ARHGAP24: variants seen among roughly 807,000 people sequenced by gnomAD.
ARHGAP24 encodes the protein rho GTPase-activating protein 24.
In ARHGAP24, 50 loss-of-function variants were observed where a neutral mutation model predicts 76.4. The observed-to-expected ratio is 0.65, with a 90% CI of 0.52 to 0.83. The LOEUF (loss-of-function observed/expected upper bound fraction) is 0.83. Among genes scored for constraint, ARHGAP24 ranks in the 40% least tolerant of loss-of-function variants. The pLI is 0.00. For synonymous variants in ARHGAP24, 345 were observed against 323.3 expected, an observed-to-expected ratio of 1.07 and a Z score of -0.72; for missense variants, 930 against 914.2, an observed-to-expected ratio of 1.02 and a Z score of -0.22.
chr4:85,989,279 T>C (rs1309665046), intron 8 of ARHGAP24, among the ~76,000 whole-genome samples: 8 of 151,476 alleles, frequency 5.3e-5, no homozygotes, highest in Non-Finnish European at 1.2e-4. Context: ...TGCCAAGAAA[T>C]TGGGCAATGG....
chr4:85,804,025 C>T (rs1417120593), intron 3 of ARHGAP24, among the ~76,000 whole-genome samples: 1 of 150,558 alleles, frequency 6.6e-6, no homozygotes, highest in Non-Finnish European at 1.5e-5. Flanking sequence ...AATCTTGGGT[C>T]ACTGCACCCT....
chr4:85,509,674 G>T (rs1433022576), intron 1 of ARHGAP24, among the ~76,000 whole-genome samples: 1 of 151,870 alleles, frequency 6.6e-6, no homozygotes, highest in Non-Finnish European at 1.5e-5. Context: ...ATCTGGTCTG[G>T]GATCTGTTCT....
At chr4:85,838,747 C>G (rs1240717928) in intron 3 of ARHGAP24, among the ~76,000 whole-genome samples, 1 of 152,162 alleles carries the variant, frequency 6.6e-6, no homozygotes, top group Non-Finnish European at 1.5e-5. Flanking sequence ...TTCTTTAAGA[C>G]ATAAACAAAA....
At chr4:85,812,618 G>A (rs903379435) in intron 3 of ARHGAP24, among the ~76,000 whole-genome samples, 1 of 152,134 alleles carries the variant, frequency 6.6e-6, no homozygotes, top group African/African-American at 2.4e-5. Context: ...AGTCTCACAT[G>A]AGACTCATAG....
chr4:85,974,191 C>A (rs1011159024), intron 6 of ARHGAP24, among the ~76,000 whole-genome samples: 1 of 151,954 alleles, frequency 6.6e-6, no homozygotes, highest in Non-Finnish European at 1.5e-5. Context: ...CAGTTTTATT[C>A]CATTTGTTAA....
At chr4:85,806,810 T>A (rs1728812322) in intron 3 of ARHGAP24, among the ~76,000 whole-genome samples, 1 of 152,228 alleles carries the variant, frequency 6.6e-6, no homozygotes, top group South Asian at 2.1e-4. Context: ...AGAAAGCTTA[T>A]GACTGCCCAA....
At chr4:85,630,554 G>A (rs1578093464) in intron 2 of ARHGAP24, among the ~76,000 whole-genome samples, 1 of 152,224 alleles carries the variant, frequency 6.6e-6, no homozygotes, top group South Asian at 2.1e-4. Context: ...AACTGTTGGG[G>A]TCTGTGAAGG....
intron 3 of ARHGAP24, among the ~76,000 whole-genome samples, chr4:85,908,289 G>T (rs1734878922): frequency 6.6e-6 from 1 of 152,162 alleles, no homozygotes; most frequent in African/African-American, 2.4e-5. Flanking sequence ...CTCAGTTCAT[G>T]TCTTCTTTGC....
intron 1 of ARHGAP24, among the ~76,000 whole-genome samples, chr4:85,511,500 G>T (rs779199118): frequency 1.3e-5 from 2 of 151,784 alleles, no homozygotes; most frequent in Non-Finnish European, 2.9e-5. Flanking sequence ...TTTTGTTCTT[G>T]TTGCCCAGCT....
At position 85,581,285 on chromosome 4, in the gene ARHGAP24, G is replaced by A. The variant is rs569931162; in HGVS notation, c.180+10564G>A. 5.5e-4 allele frequency among the ~76,000 whole-genome samples: 84 copies of A among 152,056 alleles called. 1 individual carries two copies. Among genetic ancestry groups the A allele is most frequent in the African/African-American group, 1.3e-3 (55 of 41,492 alleles). On this transcript the variant is annotated intron_variant, in intron 2 of 9. Coordinates refer to ENST00000395184, the MANE Select transcript of ARHGAP24 (RefSeq NM_001025616.3). ...GACTTATTGTTTATGTTCATGTCAC[G>A]TAGTTAGAAAAGATTAATAGAATCA... is the stretch of plus-strand genomic sequence containing the variant.
chr4:85,662,879 C>G (rs1156551813), intron 2 of ARHGAP24, among the ~76,000 whole-genome samples: 1 of 151,982 alleles, frequency 6.6e-6, no homozygotes, highest in Non-Finnish European at 1.5e-5. Context: ...TGACCTATAC[C>G]TCTGTTTAGG....
intron 1 of ARHGAP24, among the ~76,000 whole-genome samples, chr4:85,522,005 G>C (rs1578005264): frequency 6.6e-6 from 1 of 152,048 alleles, no homozygotes; most frequent in Admixed American, 6.6e-5. Context: ...GAAATTCTGA[G>C]AAGTTTTAAA....
intron 8 of ARHGAP24, among the ~76,000 whole-genome samples, chr4:85,988,305 A>G (rs766582000): frequency 1.9e-4 from 29 of 151,340 alleles, no homozygotes; most frequent in Non-Finnish European, 3.2e-4. Flanking sequence ...CTTATTATTA[A>G]TCTCATTAAA....
chr4:85,792,267 T>C (rs1728164639), intron 3 of ARHGAP24, among the ~76,000 whole-genome samples: 1 of 152,104 alleles, frequency 6.6e-6, no homozygotes, highest in Admixed American at 6.6e-5. Context: ...AAATAAAACA[T>C]GATTGTCAGG....
At chr4:85,911,942 G>A (rs373857883) in intron 3 of ARHGAP24, among the ~76,000 whole-genome samples, 1 of 152,164 alleles carries the variant, frequency 6.6e-6, no homozygotes, top group Non-Finnish European at 1.5e-5. Flanking sequence ...GGAATAACTT[G>A]TGGCCTTCTG....
Position 85,903,086 on chromosome 4 carries a change from T to C in ARHGAP24, c.269-20562T>C, listed in dbSNP as rs148830571. Among the ~76,000 whole-genome samples the C allele has an allele frequency of 1.7e-3, 262 of 152,358 alleles. 3 individuals carry two copies. Among genetic ancestry groups the C allele is most frequent in the African/African-American group, 5.9e-3 (246 of 41,578 alleles). On this transcript the variant is annotated intron_variant, in intron 3 of 9. Transcript: ENST00000395184. ...TAAGAATAACCAACTGAGAATGGAA[T>C]TGGAAAATATTTCTGCTTCTGAAAT...
intron 2 of ARHGAP24, among the ~76,000 whole-genome samples, chr4:85,660,537 C>G (rs932631210): frequency 6.6e-5 from 10 of 151,550 alleles, no homozygotes; most frequent in Non-Finnish European, 1.3e-4. Flanking sequence ...GTGGATCACA[C>G]CTGTAATCCC....
At chr4:85,980,711 C>T (rs1427511523) in intron 8 of ARHGAP24, among the ~76,000 whole-genome samples, 1 of 152,132 alleles carries the variant, frequency 6.6e-6, no homozygotes, top group Non-Finnish European at 1.5e-5. Context: ...GTCTTTCCAG[C>T]CTAGAGATTC....
intron 2 of ARHGAP24, among the ~76,000 whole-genome samples, chr4:85,572,688 A>T (rs1456101299): frequency 6.6e-6 from 1 of 152,088 alleles, no homozygotes; most frequent in Non-Finnish European, 1.5e-5. Flanking sequence ...TAGACTTACT[A>T]TAACTAAAAT....
Sources: gnomAD v4.1 joint callset for allele counts (sites outside exome capture counted in the v4.1 genomes callset) on GRCh38, gnomAD v4.1.1 for gene constraint, MANE v1.5 for transcripts, NCBI Gene and HGNC (gene_info 2026-07-23, HGNC 2026-07-21) for gene names.